USP48: variants seen among roughly 807,000 people sequenced by gnomAD.
USP48 encodes ubiquitin carboxyl-terminal hydrolase 48.
A neutral mutation model predicts 150.7 loss-of-function variants in USP48; 43 were observed. That is an observed-to-expected ratio of 0.29 (90% confidence interval 0.22 to 0.37). The LOEUF is 0.37. Ranked by LOEUF, USP48 falls within the 10% of genes least tolerant of loss-of-function variation. USP48 has a pLI of 1.00. For missense variants in USP48, 813 were observed against 1,249.6 expected, an observed-to-expected ratio of 0.65 and a Z score of 5.27; for synonymous variants, 396 against 425.9, an observed-to-expected ratio of 0.93 and a Z score of 0.86.
At chr1:21,713,468 G>A (rs1456379256) in intron 15 of USP48, among the ~76,000 whole-genome samples, 1 of 151,924 alleles carries the variant, frequency 6.6e-6, no homozygotes, top group African/African-American at 2.4e-5. Flanking sequence ...AGCAACATTC[G>A]GCTTTGCCAT....
At chr1:21,706,028 A>C (rs902313950) in intron 18 of USP48, 98 bp downstream of exon 18, 13 of 1,326,450 alleles carry the variant, frequency 9.8e-6, no homozygotes, top group Admixed American at 4.0e-5. Flanking sequence ...GTAACCATGA[A>C]GGAAGGGTAC....
chr1:21,709,585 T>TA (rs35471864), intron 15 of USP48, among the ~76,000 whole-genome samples: 31,701 of 145,416 alleles, frequency 0.22, 4,203 homozygotes, highest in Non-Finnish European at 0.31. Flanking sequence ...TTTTATGCTT[T>TA]AAAAAAAAAA....
intron 14 of USP48, among the ~76,000 whole-genome samples, chr1:21,719,233 G>A (rs528379909): frequency 6.2e-4 from 90 of 145,518 alleles, no homozygotes; most frequent in African/African-American, 2.2e-3. Context: ...AGTGAGCCAA[G>A]ATCATGCCAC....
At chr1:21,716,935 GGA>G (rs2097706072) in intron 14 of USP48, among the ~76,000 whole-genome samples, 1 of 151,642 alleles carries the variant, frequency 6.6e-6, no homozygotes, top group Admixed American at 6.6e-5. Flanking sequence ...GGCTGAGGCA[GGA>G]GAATGGCGGG....
At chr1:21,699,885 C>T (rs933229389) in intron 22 of USP48, among the ~76,000 whole-genome samples, 7 of 151,138 alleles carry the variant, frequency 4.6e-5, no homozygotes, top group South Asian at 2.1e-4. Context: ...AAATGTGGCT[C>T]GAAAGATGGC....
At chr1:21,714,487 T>C (rs1432585522) in intron 15 of USP48, among the ~76,000 whole-genome samples, 1 of 152,110 alleles carries the variant, frequency 6.6e-6, no homozygotes, top group Non-Finnish European at 1.5e-5. Context: ...GGTCTCAAAA[T>C]CATGGGCTCA....
intron 1 of USP48, among the ~76,000 whole-genome samples, chr1:21,778,148 A>G (rs530546347): frequency 5.3e-5 from 8 of 152,092 alleles, no homozygotes; most frequent in African/African-American, 1.9e-4. Flanking sequence ...GTCTGAAAAA[A>G]AAAAACAAAA....
chr1:21,709,527 T>C (rs1396576544), intron 15 of USP48, among the ~76,000 whole-genome samples: 1 of 152,028 alleles, frequency 6.6e-6, no homozygotes, highest in Non-Finnish European at 1.5e-5. Context: ...TTCCATGACC[T>C]GATTTGGAAA....
In USP48 at chr1:21,686,928, G is replaced by A. The variant is rs2097581870; in HGVS notation, c.3058+263C>T. The A allele has an allele frequency of 3.3e-5, 16 of 488,096 alleles. No homozygotes were observed. In the South Asian group the frequency reaches 3.8e-4, roughly 12 times the overall value. 30.2% of individuals were successfully genotyped at this position (488,096 alleles called of 1,614,324 possible). On this transcript the variant is annotated intron_variant, in intron 25 of 26. Transcript: ENST00000308271. ...GTGCCTGTCTGGGGCACTGCAATCT[G>A]ACTTAGTTTTGCTTCTTGTTGACCT... is the stretch of plus-strand genomic sequence containing the variant.
chr1:21,700,782 A>G (rs2097653253), intron 22 of USP48, among the ~76,000 whole-genome samples: 1 of 152,238 alleles, frequency 6.6e-6, no homozygotes, highest in South Asian at 2.1e-4. Context: ...TTCTCAAAAG[A>G]CAATTTATGG....
chr1:21,699,192 A>ATT lies in USP48; in HGVS notation c.2727+2304_2727+2305dup, dbSNP rs71016932. Among the ~76,000 whole-genome samples, 446 of 63,580 alleles carry ATT rather than the reference A, an allele frequency of 7.0e-3. 5 individuals are homozygous for ATT. The highest frequency in any genetic ancestry group is 0.011 in the Non-Finnish European group (358 of 32,436). 41.7% of individuals were successfully genotyped at this position (63,580 alleles called of 152,430 possible). On this transcript the variant is annotated intron_variant, in intron 22 of 26. Transcript: ENST00000308271. ...TTACAGGCCCACACCACCACACCTA[A>ATT]TTTTTTTTTTTTTTTTTTTTTTTTG...
rs561772440 is a variant in USP48 at position 21,724,468 on chromosome 1, A to C, written c.1451-373T>G. 7.7e-5 allele frequency: 30 copies of C among 387,770 alleles called. No individual in the cohort carries two copies. The South Asian group carries it at 1.5e-3, about 19-fold the overall frequency. 24.0% of individuals were successfully genotyped at this position (387,770 alleles called of 1,614,324 possible). A position where few individuals can be genotyped will look rare whatever the true frequency, so the allele number is the denominator to read the frequency against. ...TCCATTGCTGCCTCACAAATAACAC[A>C]ACCTCATGCCCTACTGTGTTTATTT... On this transcript the variant is annotated intron_variant, in intron 11 of 26. Coordinates refer to ENST00000308271, the MANE Select transcript of USP48 (RefSeq NM_032236.8).
chr1:21,727,792 C>T, intron 11 of USP48: 1 of 866,332 alleles, frequency 1.2e-6, no homozygotes, highest in Non-Finnish European at 1.4e-6. Flanking sequence ...TTACATTTTG[C>T]TTAAAGTTAT....
At chr1:21,691,431 C>T (rs914947607) in intron 23 of USP48, among the ~76,000 whole-genome samples, 3 of 151,818 alleles carry the variant, frequency 2.0e-5, no homozygotes, top group Non-Finnish European at 4.4e-5. Flanking sequence ...GTCAGGAGTT[C>T]AAGACCAGCC....
intron 13 of USP48, 62 bp downstream of exon 13, chr1:21,721,588 T>C (rs937545316): frequency 1.9e-6 from 2 of 1,025,802 alleles, no homozygotes; most frequent in African/African-American, 1.6e-5. Flanking sequence ...AACGAGATGC[T>C]TGGTTATGAC....
intron 8 of USP48, among the ~76,000 whole-genome samples, chr1:21,745,743 A>G (rs1177311737): frequency 6.6e-6 from 1 of 152,210 alleles, no homozygotes; most frequent in Non-Finnish European, 1.5e-5. Context: ...TCATCCAGTC[A>G]AGTCAAGCAA....
At chr1:21,732,670 C>G (rs755205425) in intron 9 of USP48, 10 of 366,562 alleles carry the variant, frequency 2.7e-5, no homozygotes, top group South Asian at 2.1e-4. Flanking sequence ...TTACTATATT[C>G]CATTAGAATA....
chr1:21,694,080 T>A (rs2097613490), intron 23 of USP48, among the ~76,000 whole-genome samples: 1 of 152,178 alleles, frequency 6.6e-6, no homozygotes, highest in South Asian at 2.1e-4. Flanking sequence ...GGTTTGAGAT[T>A]TACCACTGGA....
intron 1 of USP48, among the ~76,000 whole-genome samples, chr1:21,774,562 C>T (rs2097892251): frequency 6.6e-6 from 1 of 151,876 alleles, no homozygotes; most frequent in South Asian, 2.1e-4. Flanking sequence ...TGGGGCGCCC[C>T]TGTAGTCCCA....
Sources: allele counts gnomAD v4.1 joint callset (sites outside exome capture counted in the v4.1 genomes callset), GRCh38; gene constraint gnomAD v4.1.1; transcripts MANE v1.5; gene names NCBI Gene and HGNC (gene_info 2026-07-23, HGNC 2026-07-21).